The following JCAD variants were observed in gnomAD, a reference collection of about 807,000 sequenced individuals.
The protein encoded by JCAD is junctional cadherin 5 associated, also known as junctional cadherin 5-associated protein.
Under a neutral mutation model 98.0 loss-of-function variants are expected in JCAD, and 40 were observed. The ratio of observed to expected loss-of-function variants is 0.41; its 90% CI spans 0.32 to 0.53. JCAD has a LOEUF of 0.53. Among genes scored for constraint, JCAD ranks in the 20% least tolerant of loss-of-function variants. JCAD has a pLI of 0.31. For missense variants in JCAD, 1,705 were observed against 1,738.1 expected (o/e 0.98, Z 0.34); for synonymous variants, 691 against 682.3 (o/e 1.01, Z -0.20).
intron 1 of JCAD, among the ~76,000 whole-genome samples, chr10:30,070,026 G>T (rs956408959): frequency 1.3e-5 from 2 of 152,040 alleles, no homozygotes; most frequent in African/African-American, 4.8e-5. Flanking sequence ...CATGCTATTT[G>T]TGTGTTTTGT....
chr10:30,090,172 G>A (rs538821284), intron 1 of JCAD, among the ~76,000 whole-genome samples: 108 of 152,310 alleles, frequency 7.1e-4, no homozygotes, highest in African/African-American at 2.5e-3. Context: ...AATACCCTAA[G>A]AGGACATCAA....
intron 1 of JCAD, among the ~76,000 whole-genome samples, chr10:30,103,289 A>G (rs1838501783): frequency 6.6e-6 from 1 of 152,196 alleles, no homozygotes; most frequent in African/African-American, 2.4e-5. Flanking sequence ...TCACTTCAAG[A>G]TCTTGACTTC....
At chr10:30,107,679 G>C (rs12250337) in intron 1 of JCAD, among the ~76,000 whole-genome samples, 1 of 151,946 alleles carries the variant, frequency 6.6e-6, no homozygotes, top group Non-Finnish European at 1.5e-5. Context: ...CTATGGACTC[G>C]CCCTGAAGTC....
At chr10:30,093,089 T>G (rs368794454) in intron 1 of JCAD, among the ~76,000 whole-genome samples, 1 of 152,204 alleles carries the variant, frequency 6.6e-6, no homozygotes, top group East Asian at 1.9e-4. Context: ...AAGAATAGAA[T>G]AGACTATGGA....
At position 30,027,838 on chromosome 10, in the gene JCAD, G is replaced by C. The variant is rs1836868208; in HGVS notation, c.2310C>G (p.Ser770=). ...CTTTTGGCGTCGGTGCCTGGTCCAC[G>C]GACAAGGAAGTCCTTGAGAACGCAC... ...SNSAFSRTSL[S]VDQAPTPKAG... The change falls in exon 3 of 4, where the codon TCC becomes TCG. Residue 770 remains serine (S), a synonymous_variant. Coordinates refer to ENST00000375377, the MANE Select transcript of JCAD (RefSeq NM_020848.4). The C allele has an allele frequency of 3.1e-6, 5 of 1,614,246 alleles. No individual in the cohort carries two copies. Among genetic ancestry groups the C allele is most frequent in the East Asian group, 2.2e-5 (1 of 44,884 alleles).
In JCAD at chr10:30,027,795, A is replaced by T; in HGVS notation, c.2353T>A (p.Cys785Ser). The part of the protein sequence containing the change: ...PTPKAGRSQP[C>S]VDVHGLGAHP... ...GCTCCAAGCCCGTGGACATCCACGC[A>T]GGGCTGACTTCGGCCTGCTTTTGGC... is the stretch of plus-strand genomic sequence containing the variant. Residue 785 changes from cysteine to serine, a missense_variant, in exon 3 of 4, where the codon TGC (cysteine) becomes AGC (serine). By Grantham distance (112) the Cys-to-Ser change is moderately radical. Transcript: ENST00000375377. The T allele has an allele frequency of 6.2e-7, 1 of 1,614,238 alleles. No homozygotes were observed. The highest frequency in any genetic ancestry group is 8.5e-7 in the Non-Finnish European group (1 of 1,180,034).
intron 3 of JCAD, 186 bp downstream of exon 3, chr10:30,025,917 T>C (rs1589677877): frequency 1.4e-6 from 1 of 703,806 alleles, no homozygotes; most frequent in Non-Finnish European, 2.3e-6. Flanking sequence ...CTGCAAGATC[T>C]TGAATTTTAA....
chr10:30,073,123 C>T (rs1234457068), intron 1 of JCAD, among the ~76,000 whole-genome samples: 2 of 152,184 alleles, frequency 1.3e-5, no homozygotes, highest in Non-Finnish European at 2.9e-5. Context: ...TAAAGTGCTT[C>T]CCAATTTCCC....
At chr10:30,055,963 C>T (rs1158814396) in intron 1 of JCAD, among the ~76,000 whole-genome samples, 1 of 152,110 alleles carries the variant, frequency 6.6e-6, no homozygotes, top group Non-Finnish European at 1.5e-5. Context: ...CACTCTTTCT[C>T]CTGTCTTCTC....
At chr10:30,058,328 G>T (rs1837622575) in intron 1 of JCAD, among the ~76,000 whole-genome samples, 1 of 152,102 alleles carries the variant, frequency 6.6e-6, no homozygotes, top group Admixed American at 6.6e-5. Flanking sequence ...TACTAGATTT[G>T]GGGAGGGAAT....
In JCAD at chr10:30,028,987, A is replaced by G. The variant is rs1341888887; in HGVS notation, c.1161T>C (p.Pro387=). 6.2e-7 allele frequency: 1 copy of G among 1,613,856 alleles called. No individual in the cohort carries two copies. Among genetic ancestry groups the G allele is most frequent in the African/African-American group, 1.3e-5 (1 of 74,902 alleles). The change falls in exon 3 of 4, where the codon CCT becomes CCC. Residue 387 remains proline, a synonymous_variant. Transcript: ENST00000375377. The stretch of plus-strand genomic sequence containing the variant: ...CATTCCCAGTTCCAGGGGGGCCTGA[A>G]GGAGGCTGACCGCTGGCCCCAGCCT... The part of the protein sequence containing the change: ...TEKAGASGQP[P]SGPPGTGNEY...
chr10:30,084,779 C>CTCTA (rs1200144161), intron 1 of JCAD, among the ~76,000 whole-genome samples: 2 of 127,234 alleles, frequency 1.6e-5, no homozygotes, highest in Non-Finnish European at 3.4e-5. Context: ...ATAATCAAAT[C>CTCTA]TGTATCTATC....
intron 1 of JCAD, among the ~76,000 whole-genome samples, chr10:30,113,517 C>T (rs945868938): frequency 7.1e-6 from 1 of 140,472 alleles, no homozygotes; most frequent in Non-Finnish European, 1.5e-5. Flanking sequence ...TGCCACTGCA[C>T]TCCAGCCTGG....
chr10:30,044,283 T>C (rs1837293655), intron 2 of JCAD, among the ~76,000 whole-genome samples: 2 of 152,228 alleles, frequency 1.3e-5, no homozygotes. Context: ...CCAACATGCC[T>C]AGGTCTCCAC....
At chr10:30,079,132 C>A (rs757065185) in intron 1 of JCAD, among the ~76,000 whole-genome samples, 1 of 151,986 alleles carries the variant, frequency 6.6e-6, no homozygotes, top group Non-Finnish European at 1.5e-5. Context: ...GAGGCCGAGG[C>A]GGGCAGATCA....
At chr10:30,092,111 TATATATATATATATAA>T (rs1365673356) in intron 1 of JCAD, among the ~76,000 whole-genome samples, 6 of 110,048 alleles carry the variant, frequency 5.5e-5, no homozygotes, top group South Asian at 3.0e-4. Context: ...TATATATATA[TATATATATATATATAA>T]AAAACATTTT....
At chr10:30,103,414 A>G (rs775548809) in intron 1 of JCAD, among the ~76,000 whole-genome samples, 1 of 152,228 alleles carries the variant, frequency 6.6e-6, no homozygotes, top group African/African-American at 2.4e-5. Context: ...TTCTTTTGCC[A>G]TAATATTTAA....
At chr10:30,040,742 C>T (rs769103027) in intron 2 of JCAD, among the ~76,000 whole-genome samples, 4 of 152,176 alleles carry the variant, frequency 2.6e-5, no homozygotes, top group African/African-American at 4.8e-5. Context: ...AGCTGCACAG[C>T]GGCCCACCAG....
intron 1 of JCAD, among the ~76,000 whole-genome samples, chr10:30,090,905 G>T (rs1026566000): frequency 1.3e-5 from 2 of 152,198 alleles, no homozygotes; most frequent in African/African-American, 4.8e-5. Context: ...CCAGCCGGAT[G>T]CAGGCAAAGC....
Sources: allele counts gnomAD v4.1 joint callset (sites outside exome capture counted in the v4.1 genomes callset), GRCh38; gene constraint gnomAD v4.1.1; transcripts MANE v1.5; gene names NCBI Gene and HGNC (gene_info 2026-07-23, HGNC 2026-07-21).